PCDHGA1: variants seen among roughly 807,000 people sequenced by gnomAD.
PCDHGA1 encodes the protein protocadherin gamma-A1.
PCDHGA1 carries 32 observed loss-of-function variants against 58.0 expected under a neutral mutation model. That is an observed-to-expected ratio of 0.55 (90% CI 0.42 to 0.74). The LOEUF (loss-of-function observed/expected upper bound fraction) is 0.74. Ranked by LOEUF, PCDHGA1 falls within the 30% of genes least tolerant of loss-of-function variation. The pLI is 0.00. For missense variants in PCDHGA1, 1,205 were observed against 1,182.3 expected (o/e 1.02, Z -0.28); for synonymous variants, 498 against 501.1 (o/e 0.99, Z 0.08).
At chr5:141,427,355 C>T (rs765449381) in intron 1 of PCDHGA1, 2 of 457,430 alleles carry the variant, frequency 4.4e-6, no homozygotes, top group African/African-American at 2.0e-5. Flanking sequence ...TAACTGAGGA[C>T]GCAGAACCCT....
At chr5:141,420,907 C>G (rs916293573) in intron 1 of PCDHGA1, 3 of 301,914 alleles carry the variant, frequency 9.9e-6, no homozygotes, top group Admixed American at 4.6e-5. Context: ...TCTACAAATA[C>G]GTGTGATTCA....
At position 141,505,417 on chromosome 5, in the gene PCDHGA1, C is replaced by T; in HGVS notation, c.2505C>T (p.Gly835=). The change falls in exon 3 of 4, where the codon GGC becomes GGT. Residue 835 remains glycine, a synonymous_variant. Coordinates refer to ENST00000517417, the MANE Select transcript of PCDHGA1 (RefSeq NM_018912.3). ...TSGSQNGDDT[G]TWPNNQFDTE... is the part of the protein sequence containing the mutation. ...GCTCCCAAAATGGCGATGACACCGG[C>T]ACCTGGCCCAACAACCAGTTTGACA... 1 of 1,614,212 alleles carries T rather than the reference C, an allele frequency of 6.2e-7. No individual in the cohort carries two copies. Among genetic ancestry groups the T allele is most frequent in the Non-Finnish European group, 8.5e-7 (1 of 1,180,024 alleles).
intron 1 of PCDHGA1, among the ~76,000 whole-genome samples, chr5:141,459,789 G>A (rs960868607): frequency 6.6e-6 from 1 of 152,206 alleles, no homozygotes; most frequent in Non-Finnish European, 1.5e-5. Context: ...AGTTTCAACT[G>A]TTTTTCCCTG....
intron 1 of PCDHGA1, chr5:141,389,107 T>C (rs1349471179): frequency 1.2e-6 from 2 of 1,613,940 alleles, no homozygotes; most frequent in Non-Finnish European, 8.5e-7. Context: ...GATGCTGTTC[T>C]AGACCGCGAG....
chr5:141,438,627 T>C (rs55817844), intron 1 of PCDHGA1, among the ~76,000 whole-genome samples: 510 of 47,978 alleles, frequency 0.011, 3 homozygotes, highest in Admixed American at 0.017. Context: ...TATATATATA[T>C]ATATATATAC....
Position 141,489,802 on chromosome 5 carries a change from G to A in PCDHGA1, c.2422-5005G>A, listed in dbSNP as rs2099692541. On this transcript the variant is annotated intron_variant, in intron 1 of 3. Transcript: ENST00000517417. The surrounding 1 kb of genome is among the most constrained non-coding windows in gnomAD (Gnocchi z 4.5). ...TCTGAATGTGAAGACCCTAAAAGAT[G>A]GGAAGCCATTCCCAGAGCTGGTGCT... is the stretch of plus-strand genomic sequence containing the variant. 6.2e-7 allele frequency: 1 copy of A among 1,614,042 alleles called. No homozygotes were observed. The highest frequency in any genetic ancestry group is 1.1e-5 in the South Asian group (1 of 91,088).
intron 1 of PCDHGA1, chr5:141,356,860 G>T: frequency 6.2e-7 from 1 of 1,614,170 alleles, no homozygotes; most frequent in Non-Finnish European, 8.5e-7. Context: ...CTTTGTGCTG[G>T]ACCAGAACGA....
chr5:141,393,553 A>T (rs377510269), intron 1 of PCDHGA1: 1 of 1,613,928 alleles, frequency 6.2e-7, no homozygotes, highest in African/African-American at 1.3e-5. Context: ...CACCCGATTT[A>T]CCGAGTGAAA....
chr5:141,498,273 A>G (rs1595516143), intron 2 of PCDHGA1, among the ~76,000 whole-genome samples: 1 of 152,038 alleles, frequency 6.6e-6, no homozygotes, highest in East Asian at 1.9e-4. Flanking sequence ...TCTTCAGTAA[A>G]CTTGGTTCAA....
At chr5:141,465,144 T>A (rs965605798) in intron 1 of PCDHGA1, among the ~76,000 whole-genome samples, 4 of 152,008 alleles carry the variant, frequency 2.6e-5, no homozygotes, top group Admixed American at 6.6e-5. Flanking sequence ...TTAGGGGATA[T>A]ATGAAGGGAC....
chr5:141,332,178 G>C lies in PCDHGA1; in HGVS notation c.1494G>C (p.Gly498=). Residue 498 remains glycine, a synonymous_variant, in exon 1 of 4, where the codon GGG becomes GGC. Transcript: ENST00000517417. This position sits in a 1 kb window ranked among gnomAD's most constrained non-coding sequence, Gnocchi z 4.6. The part of the protein sequence containing the change: ...TYSLIEDTIQ[G]APLSAYLSIN... ...CCCTAATAGAGGACACTATCCAGGG[G>C]GCACCCCTATCTGCCTACCTCTCCA... 6.2e-7 allele frequency: 1 copy of C among 1,614,142 alleles called. No individual in the cohort carries two copies. Among genetic ancestry groups the C allele is most frequent in the Middle Eastern group, 1.6e-4 (1 of 6,062 alleles).
At chr5:141,341,336 G>A (rs1331152315) in intron 1 of PCDHGA1, 4 of 1,614,126 alleles carry the variant, frequency 2.5e-6, no homozygotes, top group African/African-American at 1.3e-5. Flanking sequence ...TGAGAAAAAG[G>A]ATTTTTTATC....
chr5:141,348,253 G>A (rs930812434), intron 1 of PCDHGA1, among the ~76,000 whole-genome samples: 1 of 152,100 alleles, frequency 6.6e-6, no homozygotes, highest in African/African-American at 2.4e-5. Flanking sequence ...AGACAACAGG[G>A]CCAGAACACA....
chr5:141,419,151 C>G, intron 1 of PCDHGA1: 3 of 1,613,918 alleles, frequency 1.9e-6, no homozygotes, highest in Non-Finnish European at 1.7e-6. Flanking sequence ...GGCAAGCCTC[C>G]GTTATCCTCC....
intron 1 of PCDHGA1, chr5:141,377,824 A>G (rs1774374957): frequency 6.6e-6 from 1 of 152,212 alleles, no homozygotes; most frequent in Admixed American, 6.5e-5. Context: ...TGGGCCAGTT[A>G]CAATCGCCAT....
Position 141,494,864 on chromosome 5 carries a change from G to T in PCDHGA1, c.2479G>T (p.Gly827Cys), listed in dbSNP as rs773899530. 12 of 1,613,950 alleles carry T rather than the reference G, an allele frequency of 7.4e-6. No individual in the cohort carries two copies. Among genetic ancestry groups the T allele is most frequent in the South Asian group, 1.1e-5 (1 of 91,080 alleles). ...TCAGGCCCAGAGACCCGGCACCAGC[G>T]GGTAGGTGACTGATTCTCCAGCCCA... Reference protein sequence around the residue: ...FSQAQRPGTSGSQNGDDTGTW... With the variant: ...FSQAQRPGTSCSQNGDDTGTW... Residue 827 changes from glycine to cysteine, a missense_variant and splice_region_variant, in exon 2 of 4, where the codon GGC becomes TGC. Physicochemically the swap from Gly to Cys is radical, Grantham distance 159 (BLOSUM62 -3). Coordinates refer to ENST00000517417, the MANE Select transcript of PCDHGA1 (RefSeq NM_018912.3).
chr5:141,383,347 G>A, intron 1 of PCDHGA1: 1 of 1,614,012 alleles, frequency 6.2e-7, no homozygotes, highest in Non-Finnish European at 8.5e-7. Context: ...AGCTCCTGGG[G>A]TTCGGTTTCC....
At chr5:141,389,832 C>A in intron 1 of PCDHGA1, 3 of 1,613,966 alleles carry the variant, frequency 1.9e-6, no homozygotes, top group Non-Finnish European at 2.5e-6. Flanking sequence ...CGGTGGACAG[C>A]CACCACTCTC....
At position 141,489,876 on chromosome 5, in the gene PCDHGA1, T is replaced by C. The variant is rs2099693265; in HGVS notation, c.2422-4931T>C. ...CCCAGGCAAGACATCAGCTGGTGCT[T>C]ACTGCTGTGGATGGGGGGACCCCAG... On this transcript the variant is annotated intron_variant, in intron 1 of 3. Transcript: ENST00000517417. This position sits in a 1 kb window ranked among gnomAD's most constrained non-coding sequence, Gnocchi z 4.5. The C allele has an allele frequency of 6.2e-7, 1 of 1,614,098 alleles. No homozygotes were observed. The highest frequency in any genetic ancestry group is 1.1e-5 in the South Asian group (1 of 91,094).
Sources: allele counts gnomAD v4.1 joint callset (sites outside exome capture counted in the v4.1 genomes callset), GRCh38; gene constraint gnomAD v4.1.1; non-coding constraint Gnocchi (gnomAD v3.1); transcripts MANE v1.5; gene names NCBI Gene and HGNC (gene_info 2026-07-23, HGNC 2026-07-21).